SDK1: variants seen among roughly 807,000 people sequenced by gnomAD.
SDK1 encodes protein sidekick-1.
Under a neutral mutation model 245.5 loss-of-function variants are expected in SDK1, and 157 were observed. The ratio of observed to expected loss-of-function variants is 0.64; its 90% CI spans 0.56 to 0.73. The LOEUF (loss-of-function observed/expected upper bound fraction) is 0.73, where lower values mean the gene tolerates loss of function less well. Among genes scored for constraint, SDK1 ranks in the 30% least tolerant of loss-of-function variants. The pLI, the probability that SDK1 is intolerant of heterozygous loss-of-function variation, is 0.00. For synonymous variants in SDK1, 1,647 were observed against 1,278.5 expected (o/e 1.29, Z -6.15); for missense variants, 3,583 against 3,002.3 (o/e 1.19, Z -4.52).
intron 22 of SDK1, among the ~76,000 whole-genome samples, chr7:4,105,513 G>C (rs1186222132): frequency 6.6e-6 from 1 of 151,100 alleles, no homozygotes; most frequent in African/African-American, 2.4e-5. Context: ...CACCATGTTG[G>C]CCAGGCTGGT....
intron 1 of SDK1, among the ~76,000 whole-genome samples, chr7:3,515,869 C>G (rs1438208456): frequency 6.6e-6 from 1 of 152,058 alleles, no homozygotes; most frequent in Non-Finnish European, 1.5e-5. Flanking sequence ...GAAAAATATT[C>G]TTCACTAATG....
chr7:3,546,871 T>A (rs1038300369), intron 1 of SDK1, among the ~76,000 whole-genome samples: 7 of 152,152 alleles, frequency 4.6e-5, no homozygotes, highest in African/African-American at 1.4e-4. Flanking sequence ...AGTTCCTCAT[T>A]TTGCAAGCAT....
intron 17 of SDK1, among the ~76,000 whole-genome samples, chr7:4,048,483 C>T: frequency 6.6e-6 from 1 of 152,156 alleles, no homozygotes; most frequent in Non-Finnish European, 1.5e-5. Flanking sequence ...CCGCTTCCCC[C>T]CACCCCTCGT....
chr7:3,862,798 T>C (rs1780726547), intron 5 of SDK1, among the ~76,000 whole-genome samples: 1 of 152,158 alleles, frequency 6.6e-6, no homozygotes, highest in African/African-American at 2.4e-5. Context: ...CAGGGAGCAG[T>C]TTTGTGGAAG....
intron 1 of SDK1, among the ~76,000 whole-genome samples, chr7:3,588,234 G>A: frequency 6.6e-6 from 1 of 152,074 alleles, no homozygotes; most frequent in East Asian, 1.9e-4. Flanking sequence ...AGGTCAAGAG[G>A]GATTTGGTGA....
intron 17 of SDK1, among the ~76,000 whole-genome samples, chr7:4,046,171 G>T (rs1322495870): frequency 6.6e-6 from 1 of 151,718 alleles, no homozygotes; most frequent in African/African-American, 2.4e-5. Context: ...CAAAGTCCTG[G>T]CCTCAAGCGA....
At chr7:3,451,715 GTCGGCCACCAGGGGTTCTAC>G (rs1192079784) in intron 1 of SDK1, among the ~76,000 whole-genome samples, 13 of 152,168 alleles carry the variant, frequency 8.5e-5, no homozygotes, top group Non-Finnish European at 1.8e-4. Context: ...AAACAGTACT[GTCGGCCACCAGGGGTTCTAC>G]TCTGCGTGAT....
At chr7:4,151,982 G>A (rs1241414799) in intron 30 of SDK1, among the ~76,000 whole-genome samples, 1 of 152,170 alleles carries the variant, frequency 6.6e-6, no homozygotes, top group Admixed American at 6.5e-5. Flanking sequence ...GTGTGCATCT[G>A]AACACCAAAC....
At chr7:3,488,904 C>CGT (rs59773114) in intron 1 of SDK1, among the ~76,000 whole-genome samples, 11,948 of 147,126 alleles carry the variant, frequency 0.081, 787 homozygotes, top group African/African-American at 0.19. Context: ...TTCCTCCCTC[C>CGT]GTGTGTGTGT....
chr7:4,144,404 T>A (rs625405), intron 28 of SDK1, among the ~76,000 whole-genome samples: 5 of 151,528 alleles, frequency 3.3e-5, no homozygotes, highest in African/African-American at 1.2e-4. Context: ...TAGAGGTGGC[T>A]GCGTCATGGA....
chr7:3,898,968 G>A (rs1051025438), intron 5 of SDK1, among the ~76,000 whole-genome samples: 1 of 151,958 alleles, frequency 6.6e-6, no homozygotes, highest in African/African-American at 2.4e-5. Context: ...TAAGTTAATG[G>A]TTTCCCAATT....
chr7:3,339,324 A>G (rs910437560), intron 1 of SDK1, among the ~76,000 whole-genome samples: 1 of 152,212 alleles, frequency 6.6e-6, no homozygotes, highest in Non-Finnish European at 1.5e-5. Flanking sequence ...AACAAATACT[A>G]TATACATATA....
At chr7:3,469,266 TAAAAC>T (rs1217004422) in intron 1 of SDK1, among the ~76,000 whole-genome samples, 1 of 151,978 alleles carries the variant, frequency 6.6e-6, no homozygotes, top group African/African-American at 2.4e-5. Context: ...CTACAAAAAA[TAAAAC>T]AAATGAAACA....
At chr7:3,719,003 A>G (rs761791256) in intron 4 of SDK1, among the ~76,000 whole-genome samples, 37 of 152,344 alleles carry the variant, frequency 2.4e-4, no homozygotes, top group East Asian at 3.9e-4. Context: ...TAAAAATACA[A>G]TAATACAATG....
At chr7:3,531,664 T>C (rs2128618068) in intron 1 of SDK1, among the ~76,000 whole-genome samples, 1 of 152,302 alleles carries the variant, frequency 6.6e-6, no homozygotes, top group Non-Finnish European at 1.5e-5. Context: ...TTAGTGTAGG[T>C]TATTGATTCC....
chr7:3,302,030 C>T lies in SDK1; in HGVS notation c.298+146C>T, dbSNP rs567182580. On this transcript the variant is annotated intron_variant, in intron 1 of 44. Coordinates refer to ENST00000404826, the MANE Select transcript of SDK1 (RefSeq NM_152744.4). ...CTGGGGGCTCTAGGGAGCCCAGGGG[C>T]TCCTCCACGCCAGACTCGGAGGAGA... The T allele has an allele frequency of 5.1e-5, 25 of 488,464 alleles. No homozygotes were observed. The East Asian group carries it at 1.6e-3, about 31-fold the overall frequency. The allele number at this position is 488,464 out of a possible 1,614,324, so 30.3% of individuals were successfully genotyped here.
intron 1 of SDK1, among the ~76,000 whole-genome samples, chr7:3,589,306 T>C (rs1780786767): frequency 6.6e-6 from 1 of 152,186 alleles, no homozygotes; most frequent in Non-Finnish European, 1.5e-5. Context: ...GTGGGCCTGT[T>C]GACGTCAGTA....
At chr7:3,475,495 G>A (rs1045588341) in intron 1 of SDK1, among the ~76,000 whole-genome samples, 1 of 152,194 alleles carries the variant, frequency 6.6e-6, no homozygotes, top group African/African-American at 2.4e-5. Context: ...AATCAAGCAG[G>A]ACAAAGGAGA....
intron 1 of SDK1, among the ~76,000 whole-genome samples, chr7:3,452,101 G>T (rs541445154): frequency 1.3e-5 from 2 of 152,162 alleles, no homozygotes; most frequent in South Asian, 2.1e-4. Flanking sequence ...GATTTCAAGG[G>T]TAAGCCGACT....
Sources: allele counts gnomAD v4.1 joint callset (sites outside exome capture counted in the v4.1 genomes callset), GRCh38; gene constraint gnomAD v4.1.1; transcripts MANE v1.5; gene names NCBI Gene and HGNC (gene_info 2026-07-23, HGNC 2026-07-21).